TASP1: variants seen among roughly 807,000 people sequenced by gnomAD.
TASP1 encodes the protein threonine aspartase 1.
In TASP1, 16 loss-of-function variants were observed where a neutral mutation model predicts 56.6. That is an observed-to-expected ratio of 0.28 (90% CI 0.19 to 0.43). TASP1 has a LOEUF of 0.43. TASP1 is among the 20% of genes least tolerant of loss of function. TASP1 has a pLI of 1.00. For synonymous variants in TASP1, 179 were observed against 184.2 expected, an observed-to-expected ratio of 0.97 and a Z score of 0.23; for missense variants, 393 against 511.6, an observed-to-expected ratio of 0.77 and a Z score of 2.24.
chr20:13,207,261 C>T, the TASP1 span, among the ~76,000 whole-genome samples: 1 of 152,130 alleles, frequency 6.6e-6, no homozygotes, highest in Non-Finnish European at 1.5e-5. Context: ...AGTGGCTGCC[C>T]CAGGGCAGAA....
the TASP1 span, among the ~76,000 whole-genome samples, chr20:13,309,770 T>A: frequency 1.3e-5 from 2 of 151,744 alleles, no homozygotes; most frequent in African/African-American, 4.8e-5. Flanking sequence ...AAAATTAACA[T>A]AAAAAAATCA....
the TASP1 span, among the ~76,000 whole-genome samples, chr20:13,296,280 C>A: frequency 6.6e-6 from 1 of 152,106 alleles, no homozygotes. Context: ...AGCCCAGCTG[C>A]GCATGAATGC....
chr20:13,201,209 C>G, the TASP1 span, among the ~76,000 whole-genome samples: 2 of 152,038 alleles, frequency 1.3e-5, no homozygotes, highest in African/African-American at 4.8e-5. Context: ...CGCACAACTG[C>G]GGGGAGAATG....
the TASP1 span, among the ~76,000 whole-genome samples, chr20:13,112,659 G>T: frequency 6.6e-6 from 1 of 152,156 alleles, no homozygotes; most frequent in Admixed American, 6.5e-5. Context: ...TCACAAGAAA[G>T]TTCCTTTCAT....
chr20:13,390,838 T>C (rs954378281), intron 13 of TASP1, among the ~76,000 whole-genome samples: 2 of 152,234 alleles, frequency 1.3e-5, no homozygotes, highest in African/African-American at 4.8e-5. Flanking sequence ...TTTTGTCTTC[T>C]AAACAGAGTA....
At chr20:13,280,987 T>G in the TASP1 span, among the ~76,000 whole-genome samples, 5 of 152,218 alleles carry the variant, frequency 3.3e-5, no homozygotes, top group African/African-American at 1.2e-4. Flanking sequence ...CTTACACCAT[T>G]TGCATGCTAA....
At chr20:13,314,853 T>G in the TASP1 span, among the ~76,000 whole-genome samples, 102 of 152,226 alleles carry the variant, frequency 6.7e-4, 1 homozygote, top group African/African-American at 2.2e-3. Context: ...GCATGTATGC[T>G]TATGTATAAG....
intron 11 of TASP1, among the ~76,000 whole-genome samples, chr20:13,456,689 C>T (rs1485381161): frequency 6.6e-6 from 1 of 152,006 alleles, no homozygotes; most frequent in Non-Finnish European, 1.5e-5. Flanking sequence ...CTTCACGTGA[C>T]ATCAGTGGCA....
chr20:13,630,432 T>C (rs1177298847), intron 1 of TASP1, among the ~76,000 whole-genome samples: 1 of 152,132 alleles, frequency 6.6e-6, no homozygotes, highest in African/African-American at 2.4e-5. Context: ...CTTACACCTG[T>C]AATCCCAGCA....
the TASP1 span, among the ~76,000 whole-genome samples, chr20:13,266,048 G>T: frequency 2.0e-5 from 3 of 152,234 alleles, no homozygotes; most frequent in South Asian, 6.2e-4. Context: ...TGGCAAAACC[G>T]AATCTGAAAA....
At chr20:13,567,625 C>CT (rs1398335521) in intron 7 of TASP1, among the ~76,000 whole-genome samples, 1 of 151,822 alleles carries the variant, frequency 6.6e-6, no homozygotes, top group Non-Finnish European at 1.5e-5. Flanking sequence ...GAATTAAGAG[C>CT]TTCCTTCCAA....
At chr20:13,153,766 T>C in the TASP1 span, among the ~76,000 whole-genome samples, 1 of 152,140 alleles carries the variant, frequency 6.6e-6, no homozygotes. Context: ...CTGGCTTCAG[T>C]TGCTTGCAGC....
chr20:13,375,552 A>G, the TASP1 span, among the ~76,000 whole-genome samples: 8 of 152,210 alleles, frequency 5.3e-5, no homozygotes, highest in African/African-American at 1.9e-4. Context: ...ATATGTGTGC[A>G]TATGTCTTTA....
chr20:13,392,620 T>A, intron 13 of TASP1: 1 of 390,158 alleles, frequency 2.6e-6, no homozygotes, highest in Non-Finnish European at 4.9e-6. Context: ...TAAGGCACCC[T>A]GCTCCTGCCA....
At chr20:13,277,460 A>C in the TASP1 span, among the ~76,000 whole-genome samples, 3 of 152,054 alleles carry the variant, frequency 2.0e-5, no homozygotes, top group East Asian at 5.8e-4. Context: ...CCAAAGGCTC[A>C]GCATCGCCCT....
the TASP1 span, among the ~76,000 whole-genome samples, chr20:13,111,679 C>G: frequency 6.6e-6 from 1 of 152,138 alleles, no homozygotes; most frequent in Non-Finnish European, 1.5e-5. Flanking sequence ...GAGCAAATAG[C>G]CCTTATCTAA....
intron 7 of TASP1, among the ~76,000 whole-genome samples, chr20:13,567,153 C>T (rs2046558918): frequency 6.6e-6 from 1 of 151,984 alleles, no homozygotes; most frequent in African/African-American, 2.4e-5. Flanking sequence ...GGCCATTATC[C>T]TTAGCAAACT....
intron 13 of TASP1, 97 bp from the exon 14 acceptor site, chr20:13,390,549 G>A (rs1328691264): frequency 1.0e-6 from 1 of 992,698 alleles, no homozygotes; most frequent in East Asian, 2.6e-5. Context: ...AAACACCAGA[G>A]CATTAGGCCT....
At chr20:13,465,709 T>C (rs2146380747) in intron 11 of TASP1, among the ~76,000 whole-genome samples, 1 of 152,002 alleles carries the variant, frequency 6.6e-6, no homozygotes, top group South Asian at 2.1e-4. Context: ...TCCACGGAAT[T>C]TTGCTGAGTA....
Sources: gnomAD v4.1 joint callset for allele counts (sites outside exome capture counted in the v4.1 genomes callset) on GRCh38, gnomAD v4.1.1 for gene constraint, MANE v1.5 for transcripts, NCBI Gene and HGNC (gene_info 2026-07-23, HGNC 2026-07-21) for gene names.